ERLIN2: variants seen among roughly 807,000 people sequenced by gnomAD.
The protein encoded by ERLIN2 is ER lipid raft associated 2.
ERLIN2 carries 22 observed loss-of-function variants against 41.5 expected under a neutral mutation model. The observed-to-expected ratio is 0.53, with a 90% CI of 0.38 to 0.76. ERLIN2 has a LOEUF of 0.76. Ranked by LOEUF, ERLIN2 falls within the 30% of genes least tolerant of loss-of-function variation. ERLIN2 has a pLI of 0.00. For missense variants in ERLIN2, 247 were observed against 414.3 expected, an observed-to-expected ratio of 0.60 and a Z score of 3.51; for synonymous variants, 149 against 150.9, an observed-to-expected ratio of 0.99 and a Z score of 0.09.
At chr8:37,738,859 T>A (rs1802752400) in intron 2 of ERLIN2, among the ~76,000 whole-genome samples, 1 of 152,196 alleles carries the variant, frequency 6.6e-6, no homozygotes, top group Non-Finnish European at 1.5e-5. Context: ...CACTCCAGCC[T>A]GGGTGACAGA....
chr8:37,750,327 G>C (rs922066274), intron 8 of ERLIN2, 68 bp from the exon 9 acceptor site: 1 of 1,255,832 alleles, frequency 8.0e-7, no homozygotes, highest in Non-Finnish European at 1.2e-6. Flanking sequence ...AGAAGAATTC[G>C]ACTTACCTGG....
rs772582988 is a variant in ERLIN2 at position 37,737,921 on chromosome 8, T to A, written c.-2T>A. On this transcript the variant is annotated 5_prime_UTR_variant, in exon 2 of 12. Transcript: ENST00000519638. ...TCTTTTCCCTAGGATAAAGGCTCAC[T>A]GATGGCTCAGTTGGGAGCAGTTGTG... 1 of 1,614,226 alleles carries A rather than the reference T, an allele frequency of 6.2e-7. No individual in the cohort carries two copies. Among genetic ancestry groups the A allele is most frequent in the Non-Finnish European group, 8.5e-7 (1 of 1,180,034 alleles).
chr8:37,753,805 C>G (rs1803288882), intron 11 of ERLIN2, 110 bp from the exon 12 acceptor site: 6 of 950,976 alleles, frequency 6.3e-6, no homozygotes, highest in Non-Finnish European at 9.9e-6. Context: ...ACAATGAGAC[C>G]ACAAAAAGTA....
chr8:37,748,488 C>T (rs1310776179), intron 6 of ERLIN2, among the ~76,000 whole-genome samples: 1 of 152,208 alleles, frequency 6.6e-6, no homozygotes, highest in African/African-American at 2.4e-5. Flanking sequence ...ACTGATACTA[C>T]TGTCTTAAAA....
At chr8:37,745,526 T>C in intron 6 of ERLIN2, 1 of 1,604,048 alleles carries the variant, frequency 6.2e-7, no homozygotes, top group Non-Finnish European at 8.5e-7. Context: ...ATGCCAAAAG[T>C]AAATGAATTT....
intron 6 of ERLIN2, chr8:37,747,675 G>A: frequency 6.3e-7 from 1 of 1,593,886 alleles, no homozygotes; most frequent in Non-Finnish European, 8.6e-7. Flanking sequence ...TGAAGGTAAC[G>A]GGAGCATTCT....
At chr8:37,749,927 C>A in intron 8 of ERLIN2, 75 bp downstream of exon 8, 2 of 1,274,308 alleles carry the variant, frequency 1.6e-6, no homozygotes, top group Non-Finnish European at 2.3e-6. Flanking sequence ...CAGAGGTAAC[C>A]AAAGCTGCCA....
Position 37,751,679 on chromosome 8 carries a change from G to C in ERLIN2, c.703G>C (p.Glu235Gln). The change falls in exon 10 of 12, where the codon GAG (glutamate) becomes CAG (glutamine). Residue 235 changes from glutamate (E) to glutamine (Q), a missense_variant. This residue lies in a region of ERLIN2 where 153 missense variants were observed against 256.4 expected (regional missense o/e 0.60). Coordinates refer to ENST00000519638, the MANE Select transcript of ERLIN2 (RefSeq NM_007175.8). ...AEITYGQKVM[E>Q]KETEKKISEI... is the part of the protein sequence containing the mutation. ...GATCACCTACGGGCAGAAGGTGATG[G>C]AGAAGGAGACTGAGAAGAAGATTTC... The C allele has an allele frequency of 6.2e-7, 1 of 1,614,008 alleles. No individual in the cohort carries two copies. Among genetic ancestry groups the C allele is most frequent in the East Asian group, 2.2e-5 (1 of 44,892 alleles).
chr8:37,751,495 T>C (rs1327699239), intron 9 of ERLIN2, 131 bp from the exon 10 acceptor site: 1 of 730,220 alleles, frequency 1.4e-6, no homozygotes, highest in African/African-American at 1.7e-5. Flanking sequence ...TCTGCCCTTG[T>C]GTGCACTCAC....
At chr8:37,742,493 G>A (rs1802885647) in intron 4 of ERLIN2, among the ~76,000 whole-genome samples, 1 of 172 alleles carries the variant, frequency 5.8e-3, no homozygotes, top group African/African-American at 0.029. Flanking sequence ...ACAAGATCAT[G>A]TCCTTTGCAC....
chr8:37,745,848 T>C, intron 6 of ERLIN2: 1 of 1,346,816 alleles, frequency 7.4e-7, no homozygotes, highest in Non-Finnish European at 9.5e-7. Flanking sequence ...TGATTTTTCT[T>C]TTTAACCTCA....
intron 6 of ERLIN2, 30 bp downstream of exon 6, chr8:37,744,726 CT>C: frequency 6.2e-7 from 1 of 1,613,970 alleles, no homozygotes; most frequent in South Asian, 1.1e-5. Flanking sequence ...GCATGCCGTG[CT>C]TAAGCAGGGT....
rs117790283 is a variant in ERLIN2 at position 37,752,577 on chromosome 8, G to A, written c.739+862G>A. ...CCCACAGCAGCCAGAACCCTGGCTG[G>A]ACTGCAGGTTCCTTCCACGCGGGGT... On this transcript the variant is annotated intron_variant, in intron 10 of 11. Transcript: ENST00000519638. Among the ~76,000 whole-genome samples the A allele has an allele frequency of 2.0e-3, 299 of 152,304 alleles. 5 individuals carry two copies. Among genetic ancestry groups the A allele is most frequent in the East Asian group, 0.018 (91 of 5,174 alleles).
chr8:37,747,831 C>T, intron 6 of ERLIN2: 11 of 1,614,218 alleles, frequency 6.8e-6, no homozygotes, highest in Non-Finnish European at 9.3e-6. Context: ...CAGCATCAAT[C>T]ACACGGGACC....
At chr8:37,745,864 A>G (rs949341913) in intron 6 of ERLIN2, 2 of 1,292,268 alleles carry the variant, frequency 1.5e-6, no homozygotes, top group Non-Finnish European at 2.0e-6. Flanking sequence ...CCTCAAACTA[A>G]TAGAATTTTA....
chr8:37,747,484 A>G, intron 6 of ERLIN2: 1 of 1,612,316 alleles, frequency 6.2e-7, no homozygotes, highest in South Asian at 1.1e-5. Context: ...CGAGTCAGCA[A>G]CTTCCCTAGC....
At position 37,754,291 on chromosome 8, in the gene ERLIN2, T is replaced by C; in HGVS notation, c.*176T>C. The stretch of plus-strand genomic sequence containing the variant: ...CTAGGGAAAGGAGGGTGGGGACTGA[T>C]GATGGGGGGTTTTATTTCAGGTAAG... On this transcript the variant is annotated 3_prime_UTR_variant, in exon 12 of 12. Transcript: ENST00000519638. The C allele has an allele frequency of 1.5e-6, 1 of 646,480 alleles. No homozygotes were observed. Among genetic ancestry groups the C allele is most frequent in the Admixed American group, 2.5e-5 (1 of 39,648 alleles). 40.0% of individuals were successfully genotyped at this position (646,480 alleles called of 1,614,324 possible). A position where few individuals can be genotyped will look rare whatever the true frequency, so the allele number is the denominator to read the frequency against.
chr8:37,751,145 A>G (rs917921207), intron 9 of ERLIN2, among the ~76,000 whole-genome samples: 1 of 152,244 alleles, frequency 6.6e-6, no homozygotes, highest in African/African-American at 2.4e-5. Context: ...GTACTGTATT[A>G]TCCTTAACCT....
intron 6 of ERLIN2, chr8:37,747,854 T>A (rs1279705961): frequency 2.5e-6 from 4 of 1,614,220 alleles, no homozygotes; most frequent in Non-Finnish European, 2.5e-6. Flanking sequence ...TCCCGGGGCC[T>A]CATGGGCAAT....
Sources: gnomAD v4.1 joint callset for allele counts (sites outside exome capture counted in the v4.1 genomes callset) on GRCh38, gnomAD v4.1.1 for gene constraint, gnomAD v4.1.1 regional missense constraint, MANE v1.5 for transcripts, NCBI Gene and HGNC (gene_info 2026-07-23, HGNC 2026-07-21) for gene names.